RBMS3: variants seen among roughly 807,000 people sequenced by gnomAD.
RBMS3 encodes RNA-binding motif, single-stranded-interacting protein 3.
A neutral mutation model predicts 66.8 loss-of-function variants in RBMS3; 27 were observed. That is an observed-to-expected ratio of 0.40 (90% confidence interval 0.30 to 0.56). The LOEUF (loss-of-function observed/expected upper bound fraction) is 0.56. Ranked by LOEUF, RBMS3 falls within the 20% of genes least tolerant of loss-of-function variation. The pLI, the probability that RBMS3 is intolerant of heterozygous loss-of-function variation, is 0.40. For synonymous variants in RBMS3, 188 were observed against 183.0 expected, an observed-to-expected ratio of 1.03 and a Z score of -0.22; for missense variants, 513 against 549.5, an observed-to-expected ratio of 0.93 and a Z score of 0.66.
intron 12 of RBMS3, among the ~76,000 whole-genome samples, chr3:29,966,760 G>T (rs924632020): frequency 6.6e-6 from 1 of 152,174 alleles, no homozygotes; most frequent in African/African-American, 2.4e-5. Context: ...GGGCATCCTT[G>T]TCTTGTTCCA....
chr3:29,890,445 T>C (rs2059973889), intron 8 of RBMS3, among the ~76,000 whole-genome samples: 1 of 151,588 alleles, frequency 6.6e-6, no homozygotes, highest in African/African-American at 2.4e-5. Context: ...AATATTACTG[T>C]AGAGAAGAGC....
At chr3:29,355,314 T>TA (rs571064884) in intron 1 of RBMS3, among the ~76,000 whole-genome samples, 274 of 152,200 alleles carry the variant, frequency 1.8e-3, no homozygotes, top group African/African-American at 6.3e-3. Flanking sequence ...ATCTTCCTGA[T>TA]AAAAAACCTG....
intron 4 of RBMS3, among the ~76,000 whole-genome samples, chr3:29,587,679 G>T (rs2047582622): frequency 6.6e-6 from 1 of 151,898 alleles, no homozygotes; most frequent in African/African-American, 2.4e-5. Flanking sequence ...TAGCTGGGGA[G>T]AGCTGATTGT....
chr3:29,564,589 A>G (rs2046676381), intron 3 of RBMS3, among the ~76,000 whole-genome samples: 1 of 152,164 alleles, frequency 6.6e-6, no homozygotes. Flanking sequence ...GAGATAAACT[A>G]GGAAAAGAAA....
At chr3:29,944,131 C>T in intron 11 of RBMS3, 76 bp from the exon 12 acceptor site, 1 of 1,347,312 alleles carries the variant, frequency 7.4e-7, no homozygotes, top group Non-Finnish European at 1.1e-6. Context: ...CGGACTCTTC[C>T]ACGTGTTAGG....
intron 1 of RBMS3, among the ~76,000 whole-genome samples, chr3:29,339,087 C>T (rs75827855): frequency 3.3e-5 from 5 of 152,162 alleles, no homozygotes; most frequent in African/African-American, 9.7e-5. Flanking sequence ...CTCTCACCCC[C>T]ACCTGTGGTA....
chr3:29,459,908 A>G (rs1225088490), intron 2 of RBMS3, among the ~76,000 whole-genome samples: 2 of 152,156 alleles, frequency 1.3e-5, no homozygotes, highest in East Asian at 1.9e-4. Flanking sequence ...AGTTCAAACA[A>G]TTTGCTAAAG....
At chr3:29,321,068 C>T (rs2034980067) in intron 1 of RBMS3, among the ~76,000 whole-genome samples, 2 of 152,054 alleles carry the variant, frequency 1.3e-5, no homozygotes, top group Admixed American at 1.3e-4. Context: ...ACCCATACAT[C>T]ACCTGCTCAG....
intron 12 of RBMS3, among the ~76,000 whole-genome samples, chr3:29,973,666 A>G (rs1282265010): frequency 6.6e-6 from 1 of 151,836 alleles, no homozygotes; most frequent in Non-Finnish European, 1.5e-5. Context: ...TGGCCTCTCA[A>G]TTTCCTGAGC....
intron 1 of RBMS3, among the ~76,000 whole-genome samples, chr3:29,419,741 T>C (rs1211435693): frequency 1.3e-5 from 2 of 152,214 alleles, no homozygotes; most frequent in Non-Finnish European, 2.9e-5. Context: ...TGATGTTGGC[T>C]ATAGGGAGAA....
At chr3:29,359,294 G>A (rs56369950) in intron 1 of RBMS3, among the ~76,000 whole-genome samples, 10,717 of 152,192 alleles carry the variant, frequency 0.07, 625 homozygotes, top group African/African-American at 0.16. Flanking sequence ...TTCTGCATCT[G>A]CTGAGACAAT....
chr3:29,670,577 T>G (rs901997755), intron 4 of RBMS3, among the ~76,000 whole-genome samples: 3 of 152,182 alleles, frequency 2.0e-5, no homozygotes, highest in African/African-American at 7.2e-5. Flanking sequence ...CCAATGGTCT[T>G]AGCAAATGGC....
chr3:29,505,155 G>A (rs749725224), intron 3 of RBMS3, among the ~76,000 whole-genome samples: 6 of 151,830 alleles, frequency 4.0e-5, no homozygotes, highest in South Asian at 2.1e-4. Context: ...AGAGCTTTTC[G>A]GCTGTGTTTT....
At chr3:29,328,404 CA>C (rs1167021849) in intron 1 of RBMS3, among the ~76,000 whole-genome samples, 1 of 152,096 alleles carries the variant, frequency 6.6e-6, no homozygotes, top group Non-Finnish European at 1.5e-5. Context: ...AATGAAACGA[CA>C]AAAAGGACAT....
intron 12 of RBMS3, among the ~76,000 whole-genome samples, chr3:29,974,367 T>C (rs1203153256): frequency 6.6e-6 from 1 of 151,986 alleles, no homozygotes; most frequent in African/African-American, 2.4e-5. Flanking sequence ...AATTGTATCC[T>C]TTTGAATGAA....
chr3:29,409,210 A>G (rs1172016738), intron 1 of RBMS3, among the ~76,000 whole-genome samples: 1 of 152,198 alleles, frequency 6.6e-6, no homozygotes, highest in Admixed American at 6.5e-5. Context: ...ATTTTTTCTA[A>G]TGATTCTTTT....
At chr3:29,307,085 A>C (rs1410325194) in intron 1 of RBMS3, among the ~76,000 whole-genome samples, 3 of 151,906 alleles carry the variant, frequency 2.0e-5, no homozygotes, top group Admixed American at 2.0e-4. Flanking sequence ...CTTGTTTAAA[A>C]TTGCTGCTAG....
intron 6 of RBMS3, among the ~76,000 whole-genome samples, chr3:29,828,512 G>T (rs938929765): frequency 1.3e-5 from 2 of 152,170 alleles, no homozygotes; most frequent in African/African-American, 4.8e-5. Context: ...CCTTTGTGAT[G>T]TAAGAGGACA....
intron 3 of RBMS3, among the ~76,000 whole-genome samples, chr3:29,577,016 C>G (rs1320990115): frequency 3.3e-5 from 5 of 152,122 alleles, no homozygotes; most frequent in Non-Finnish European, 7.4e-5. Flanking sequence ...ACAATGTCTC[C>G]TTTACTTTTC....
Sources: allele counts gnomAD v4.1 joint callset (sites outside exome capture counted in the v4.1 genomes callset), GRCh38; gene constraint gnomAD v4.1.1; transcripts MANE v1.5; gene names NCBI Gene and HGNC (gene_info 2026-07-23, HGNC 2026-07-21).